CCDC7: variants seen among roughly 807,000 people sequenced by gnomAD.
CCDC7 encodes coiled-coil domain containing 7.
A neutral mutation model predicts 196.9 loss-of-function variants in CCDC7; 183 were observed. The ratio of observed to expected loss-of-function variants is 0.93; its 90% CI spans 0.82 to 1.05. The LOEUF is 1.05. Among genes scored for constraint, CCDC7 ranks in the 50% least tolerant of loss-of-function variants. CCDC7 has a pLI of 0.00. For synonymous variants in CCDC7, 525 were observed against 484.6 expected, an observed-to-expected ratio of 1.08 and a Z score of -1.10; for missense variants, 1,540 against 1,482.2, an observed-to-expected ratio of 1.04 and a Z score of -0.64.
intron 18 of CCDC7, among the ~76,000 whole-genome samples, chr10:32,616,693 A>G (rs1023867788): frequency 2.0e-5 from 3 of 151,680 alleles, no homozygotes; most frequent in African/African-American, 7.3e-5. Context: ...GGACTTCTAG[A>G]ATTATGTTAA....
intron 30 of CCDC7, among the ~76,000 whole-genome samples, chr10:32,806,169 A>T (rs2085801488): frequency 6.6e-6 from 1 of 152,218 alleles, no homozygotes; most frequent in Non-Finnish European, 1.5e-5. Flanking sequence ...TACAAACCAT[A>T]TCACAGGGGA....
At chr10:32,638,272 A>T (rs1490090872) in intron 20 of CCDC7, among the ~76,000 whole-genome samples, 1 of 152,210 alleles carries the variant, frequency 6.6e-6, no homozygotes, top group Non-Finnish European at 1.5e-5. Flanking sequence ...ACTAAGTTGA[A>T]TAGGAGTCGT....
intron 28 of CCDC7, among the ~76,000 whole-genome samples, chr10:32,731,533 G>A (rs2083963562): frequency 6.6e-6 from 1 of 152,014 alleles, no homozygotes; most frequent in Non-Finnish European, 1.5e-5. Flanking sequence ...TATTCAATGT[G>A]TCACATATGT....
rs889535606 is a variant in CCDC7, at chr10:32,536,822, T to C, written c.994-6478T>C. On this transcript the variant is annotated intron_variant, in intron 11 of 41. Transcript: ENST00000639629. ...GCTCCATCTGTGTTGCTGCAGAGGATATTATCTCATTATTTTTTATAGCTA... is the reference window on the plus strand; with the variant it reads ...GCTCCATCTGTGTTGCTGCAGAGGACATTATCTCATTATTTTTTATAGCTA... 2.6e-5 allele frequency among the ~76,000 whole-genome samples: 4 copies of C among 152,138 alleles called. No homozygotes were observed. The South Asian group carries it at 6.2e-4, about 24-fold the overall frequency.
At chr10:32,778,909 A>T (rs1367424826) in intron 28 of CCDC7, 68 bp from the exon 30 acceptor site, 2 of 1,137,828 alleles carry the variant, frequency 1.8e-6, no homozygotes, top group Admixed American at 4.3e-5. Flanking sequence ...GGTTACATGC[A>T]TTGCTAGGTG....
chr10:32,876,325 AAC>A lies in CCDC7; in HGVS notation c.4112-18_4112-17del. 6.3e-7 allele frequency: 1 copy of A among 1,592,740 alleles called. No individual in the cohort carries two copies. Among genetic ancestry groups the A allele is most frequent in the Non-Finnish European group, 8.6e-7 (1 of 1,166,860 alleles). On this transcript the variant is annotated intron_variant, in intron 41 of 41. Transcript: ENST00000639629. ...AGTAAAATTAAACTTTTTTTCAATT[AAC>A]ACATAACTTTTCTTTAAAGTGTTAC...
chr10:32,755,898 A>G (rs2076360446), intron 28 of CCDC7, among the ~76,000 whole-genome samples: 1 of 152,214 alleles, frequency 6.6e-6, no homozygotes, highest in Non-Finnish European at 1.5e-5. Flanking sequence ...TAAACAGTGT[A>G]GAGAAGACCT....
At chr10:32,605,647 A>G (rs571453611) in intron 18 of CCDC7, among the ~76,000 whole-genome samples, 56 of 152,280 alleles carry the variant, frequency 3.7e-4, no homozygotes, top group South Asian at 2.3e-3. Context: ...GTCACACCCT[A>G]GGGATTTGTG....
chr10:32,749,026 G>A (rs907562040), intron 28 of CCDC7, among the ~76,000 whole-genome samples: 15 of 152,220 alleles, frequency 9.9e-5, no homozygotes, highest in Admixed American at 8.5e-4. Flanking sequence ...TCCTTCAGAC[G>A]TGTCCTCACT....
exon 8 of CCDC7, chr10:32,473,994 A>T (rs1188705814): frequency 6.2e-7 from 1 of 1,611,420 alleles, no homozygotes; most frequent in Admixed American, 1.7e-5. Flanking sequence ...TCAACTGATG[A>T]ATTTAAAGAT....
At chr10:32,512,879 C>T (rs905582398) in intron 9 of CCDC7, 5 of 152,088 alleles carry the variant, frequency 3.3e-5, no homozygotes, top group African/African-American at 1.2e-4. Context: ...AGATATAAGA[C>T]AAAGCCATGA....
chr10:32,578,380 C>T (rs1334054236), intron 16 of CCDC7, among the ~76,000 whole-genome samples: 2 of 151,528 alleles, frequency 1.3e-5, no homozygotes, highest in Non-Finnish European at 2.9e-5. Context: ...CTTTATTGTA[C>T]ACTTTATTAT....
chr10:32,691,560 G>A (rs535282411), intron 23 of CCDC7, among the ~76,000 whole-genome samples: 1 of 152,288 alleles, frequency 6.6e-6, no homozygotes, highest in African/African-American at 2.4e-5. Flanking sequence ...TATCTTATAA[G>A]GAGGTTTAAT....
chr10:32,480,748 TAA>T (rs1426549857), intron 8 of CCDC7, among the ~76,000 whole-genome samples: 2 of 152,220 alleles, frequency 1.3e-5, no homozygotes, highest in Non-Finnish European at 2.9e-5. Flanking sequence ...TTAAATTTTA[TAA>T]GACTTACTGG....
At chr10:32,549,768 C>G (rs1029756697) in intron 13 of CCDC7, among the ~76,000 whole-genome samples, 1 of 152,046 alleles carries the variant, frequency 6.6e-6, no homozygotes, top group Non-Finnish European at 1.5e-5. Context: ...GTTCCATTGT[C>G]AGTGTGCCTG....
chr10:32,496,120 G>C (rs1156722323), intron 9 of CCDC7, among the ~76,000 whole-genome samples: 1 of 152,048 alleles, frequency 6.6e-6, no homozygotes, highest in Non-Finnish European at 1.5e-5. Context: ...TCCCTTGTAA[G>C]TTGTATTCCT....
exon 6 of CCDC7, chr10:32,471,204 C>T (rs751473912): frequency 3.3e-5 from 53 of 1,608,360 alleles, no homozygotes; most frequent in Admixed American, 2.9e-4. Context: ...CTAAATCCTC[C>T]GTGAAAGTCA....
At chr10:32,520,087 G>C (rs996028764) in intron 11 of CCDC7, among the ~76,000 whole-genome samples, 2 of 152,018 alleles carry the variant, frequency 1.3e-5, no homozygotes, top group Non-Finnish European at 2.9e-5. Flanking sequence ...CATCGTGTAT[G>C]AGTATTACGT....
chr10:32,612,041 C>T (rs1182053647), intron 18 of CCDC7, among the ~76,000 whole-genome samples: 1 of 152,146 alleles, frequency 6.6e-6, no homozygotes, highest in African/African-American at 2.4e-5. Context: ...TTGATTCTTC[C>T]TATCCATGAG....
Sources: allele counts gnomAD v4.1 joint callset (sites outside exome capture counted in the v4.1 genomes callset), GRCh38; gene constraint gnomAD v4.1.1; transcripts MANE v1.5; gene names NCBI Gene and HGNC (gene_info 2026-07-23, HGNC 2026-07-21).